PTN: variants seen among roughly 807,000 people sequenced by gnomAD.
PTN encodes heparin affin regulatory protein.
A neutral mutation model predicts 24.1 loss-of-function variants in PTN; 18 were observed. The ratio of observed to expected loss-of-function variants is 0.75; its 90% CI spans 0.52 to 1.11. PTN has a LOEUF of 1.11. PTN is among the 50% of genes least tolerant of loss of function. The pLI, the probability that PTN is intolerant of heterozygous loss-of-function variation, is 0.00. For missense variants in PTN, 163 were observed against 198.8 expected (o/e 0.82, Z 1.08); for synonymous variants, 78 against 68.6 (o/e 1.14, Z -0.67).
intron 1 of PTN, among the ~76,000 whole-genome samples, chr7:137,328,708 C>G (rs1286181152): frequency 1.3e-5 from 2 of 152,138 alleles, no homozygotes; most frequent in Non-Finnish European, 2.9e-5. Context: ...CCAGCGGTCC[C>G]TTTCCTCAGC....
chr7:137,256,628 T>C (rs1211682156), intron 1 of PTN, among the ~76,000 whole-genome samples: 4 of 152,202 alleles, frequency 2.6e-5, no homozygotes, highest in South Asian at 4.1e-4. Flanking sequence ...TAAACCTATG[T>C]GTGCCTGTGT....
chr7:137,243,898 G>A (rs373434067), intron 4 of PTN, among the ~76,000 whole-genome samples: 7 of 152,062 alleles, frequency 4.6e-5, no homozygotes, highest in African/African-American at 7.2e-5. Flanking sequence ...TATTTCTCCC[G>A]GATCTGTTGA....
At chr7:137,331,028 T>C (rs1157302155) in intron 1 of PTN, among the ~76,000 whole-genome samples, 1 of 152,208 alleles carries the variant, frequency 6.6e-6, no homozygotes, top group South Asian at 2.1e-4. Context: ...GGGGCTTCTA[T>C]CTATGGGATT....
At chr7:137,263,352 T>C (rs1397895670) in intron 1 of PTN, among the ~76,000 whole-genome samples, 1 of 152,232 alleles carries the variant, frequency 6.6e-6, no homozygotes. Context: ...TTTAACTACT[T>C]GCCTTTGATT....
intron 1 of PTN, among the ~76,000 whole-genome samples, chr7:137,316,826 C>T (rs931001336): frequency 3.3e-5 from 5 of 152,160 alleles, no homozygotes; most frequent in African/African-American, 1.2e-4. Context: ...CAGGGCTGCA[C>T]TCATGAGGTA....
At chr7:137,267,789 A>G (rs1191779111) in intron 1 of PTN, among the ~76,000 whole-genome samples, 1 of 152,136 alleles carries the variant, frequency 6.6e-6, no homozygotes, top group African/African-American at 2.4e-5. Flanking sequence ...AATCAAAACC[A>G]AAATCGGAGT....
intron 1 of PTN, among the ~76,000 whole-genome samples, chr7:137,278,188 T>G (rs1254424718): frequency 6.7e-6 from 1 of 149,696 alleles, no homozygotes; most frequent in Non-Finnish European, 1.5e-5. Context: ...GCGCCTGTAG[T>G]CCCAGCTACT....
At chr7:137,297,035 T>C (rs1484995278) in intron 1 of PTN, among the ~76,000 whole-genome samples, 3 of 152,124 alleles carry the variant, frequency 2.0e-5, no homozygotes, top group Non-Finnish European at 4.4e-5. Flanking sequence ...TTTTCCAATG[T>C]GCATGGCAAA....
intron 1 of PTN, among the ~76,000 whole-genome samples, chr7:137,286,781 A>G (rs1809562459): frequency 1.3e-5 from 2 of 152,210 alleles, no homozygotes; most frequent in Admixed American, 1.3e-4. Flanking sequence ...TACCATATAT[A>G]TGGTACTAAA....
At chr7:137,315,757 A>G (rs1040552453) in intron 1 of PTN, among the ~76,000 whole-genome samples, 9 of 152,106 alleles carry the variant, frequency 5.9e-5, no homozygotes, top group African/African-American at 2.2e-4. Flanking sequence ...TAGAGCATAG[A>G]AGGGCGGCTT....
intron 4 of PTN, among the ~76,000 whole-genome samples, chr7:137,233,005 G>C (rs1808454868): frequency 6.6e-6 from 1 of 151,924 alleles, no homozygotes; most frequent in Non-Finnish European, 1.5e-5. Context: ...AGATTACCCA[G>C]TTCTGGGTAT....
intron 1 of PTN, among the ~76,000 whole-genome samples, chr7:137,295,641 T>A (rs1000370956): frequency 6.6e-6 from 1 of 152,120 alleles, no homozygotes; most frequent in African/African-American, 2.4e-5. Context: ...AAATATTTTG[T>A]ATATATTGGA....
intron 1 of PTN, among the ~76,000 whole-genome samples, chr7:137,260,575 C>A (rs1342487962): frequency 6.6e-6 from 1 of 151,932 alleles, no homozygotes; most frequent in Non-Finnish European, 1.5e-5. Context: ...TACAGGATTA[C>A]CCTCCATCAC....
chr7:137,328,313 C>T (rs942345993), intron 1 of PTN, among the ~76,000 whole-genome samples: 1 of 152,098 alleles, frequency 6.6e-6, no homozygotes, highest in Non-Finnish European at 1.5e-5. Flanking sequence ...TCATAAAAGA[C>T]ATTTTAGAGA....
chr7:137,251,090 T>C, intron 4 of PTN, 140 bp downstream of exon 4: 4 of 976,554 alleles, frequency 4.1e-6, no homozygotes, highest in Non-Finnish European at 6.1e-6. Flanking sequence ...AGTATTTTTG[T>C]GACTCTCAGT....
intron 4 of PTN, among the ~76,000 whole-genome samples, chr7:137,246,092 T>G (rs1343779795): frequency 6.6e-6 from 1 of 152,210 alleles, no homozygotes; most frequent in Non-Finnish European, 1.5e-5. Flanking sequence ...GCCTTCACAT[T>G]CACTCACTGT....
At chr7:137,281,354 T>A (rs1233184379) in intron 1 of PTN, among the ~76,000 whole-genome samples, 1 of 152,072 alleles carries the variant, frequency 6.6e-6, no homozygotes, top group Non-Finnish European at 1.5e-5. Flanking sequence ...TAAGAGACCA[T>A]CTCACTGCTT....
Position 137,264,668 on chromosome 7 carries a change from G to T in PTN, c.-1-9694C>A, listed in dbSNP as rs572289930. 2.0e-5 allele frequency among the ~76,000 whole-genome samples: 3 copies of T among 152,294 alleles called. No individual in the cohort carries two copies. In the South Asian group the frequency reaches 6.2e-4, roughly 32 times the overall value. On this transcript the variant is annotated intron_variant, in intron 1 of 4. Coordinates refer to ENST00000348225, the MANE Select transcript of PTN (RefSeq NM_002825.7). The stretch of plus-strand genomic sequence containing the variant: ...TCTGATACCAGGAGTAAGGTGGCTG[G>T]GTTTAGGGTGTTGCAAACTTCGACG...
In PTN at chr7:137,290,205, A is replaced by G. The variant is rs569392260; in HGVS notation, c.-1-35231T>C. Among the ~76,000 whole-genome samples, 2 of 152,268 alleles carry G rather than the reference A, an allele frequency of 1.3e-5. 1 individual carries two copies. Among genetic ancestry groups the G allele is most frequent in the South Asian group, 4.1e-4 (2 of 4,830 alleles). On this transcript the variant is annotated intron_variant, in intron 1 of 4. Coordinates refer to ENST00000348225, the MANE Select transcript of PTN (RefSeq NM_002825.7). ...CTATCATGAGAACAGCATGGGAAAG[A>G]CCTGCCCCCATGATTGAATTACCTC...
Sources: gnomAD v4.1 joint callset for allele counts (sites outside exome capture counted in the v4.1 genomes callset) on GRCh38, gnomAD v4.1.1 for gene constraint, MANE v1.5 for transcripts, NCBI Gene and HGNC (gene_info 2026-07-23, HGNC 2026-07-21) for gene names.